The following ADTRP variants were observed in gnomAD, a reference collection of about 807,000 sequenced individuals.
The protein encoded by ADTRP is androgen-dependent TFPI-regulating protein.
ADTRP carries 20 observed loss-of-function variants against 27.0 expected under a neutral mutation model. The ratio of observed to expected loss-of-function variants is 0.74; its 90% confidence interval spans 0.52 to 1.08. The LOEUF (loss-of-function observed/expected upper bound fraction) is 1.08. Ranked by LOEUF, ADTRP falls within the 50% of genes least tolerant of loss-of-function variation. The pLI, the probability that ADTRP is intolerant of heterozygous loss-of-function variation, is 0.00. For synonymous variants in ADTRP, 101 were observed against 105.2 expected, an observed-to-expected ratio of 0.96 and a Z score of 0.25; for missense variants, 251 against 275.0, an observed-to-expected ratio of 0.91 and a Z score of 0.62.
At chr6:11,771,191 C>T (rs1763766282) in intron 1 of ADTRP, among the ~76,000 whole-genome samples, 1 of 152,236 alleles carries the variant, frequency 6.6e-6, no homozygotes, top group African/African-American at 2.4e-5. Flanking sequence ...TGTCAATCCC[C>T]TCTCCCTCTC....
chr6:11,751,531 C>T (rs191764757), intron 3 of ADTRP, among the ~76,000 whole-genome samples: 4 of 152,320 alleles, frequency 2.6e-5, no homozygotes, highest in South Asian at 2.1e-4. Context: ...AACACTCCAA[C>T]AGGACCTTAG....
intron 4 of ADTRP, among the ~76,000 whole-genome samples, chr6:11,729,450 A>G (rs1005285508): frequency 2.0e-5 from 3 of 151,912 alleles, no homozygotes; most frequent in Non-Finnish European, 2.9e-5. Context: ...CTGCCCTTCT[A>G]CTACCTGGTA....
chr6:11,752,881 C>T (rs763444174), intron 3 of ADTRP, among the ~76,000 whole-genome samples: 3 of 152,080 alleles, frequency 2.0e-5, no homozygotes, highest in Non-Finnish European at 2.9e-5. Context: ...GGAGAAGAGG[C>T]GATGGTGATT....
chr6:11,774,005 C>G (rs4713896), intron 1 of ADTRP, among the ~76,000 whole-genome samples: 2 of 152,022 alleles, frequency 1.3e-5, no homozygotes, highest in African/African-American at 4.8e-5. Context: ...TCTGACTCCA[C>G]GTTGCTGAAG....
chr6:11,770,378 C>G (rs950191820), intron 1 of ADTRP, among the ~76,000 whole-genome samples: 8 of 152,128 alleles, frequency 5.3e-5, no homozygotes, highest in Non-Finnish European at 8.8e-5. Context: ...CCTGCAGTCT[C>G]AAGAGAGGCG....
intron 4 of ADTRP, among the ~76,000 whole-genome samples, chr6:11,733,061 A>G (rs759786565): frequency 2.0e-5 from 3 of 152,118 alleles, no homozygotes; most frequent in Non-Finnish European, 2.9e-5. Flanking sequence ...CATGTCATCT[A>G]CCCTACTGGA....
chr6:11,728,672 G>A (rs1762293295), intron 4 of ADTRP: 1 of 152,200 alleles, frequency 6.6e-6, no homozygotes, highest in East Asian at 1.9e-4. Flanking sequence ...TTTCTCACTA[G>A]CTTGAAAGCT....
At chr6:11,765,024 CAG>C (rs1466152229) in intron 3 of ADTRP, among the ~76,000 whole-genome samples, 1 of 151,786 alleles carries the variant, frequency 6.6e-6, no homozygotes, top group African/African-American at 2.4e-5. Flanking sequence ...CCTGAGAGGT[CAG>C]ACTTACGTAA....
intron 3 of ADTRP, chr6:11,735,903 T>A: frequency 2.1e-6 from 1 of 473,886 alleles, no homozygotes. Flanking sequence ...GCAATGTGTC[T>A]CACCCTCTCT....
chr6:11,759,681 A>G (rs149733909), intron 3 of ADTRP, among the ~76,000 whole-genome samples: 85 of 152,276 alleles, frequency 5.6e-4, no homozygotes, highest in African/African-American at 2.0e-3. Context: ...AAAGATGTCT[A>G]TGTCCTAATC....
At chr6:11,776,256 G>A (rs1293728404) in intron 1 of ADTRP, among the ~76,000 whole-genome samples, 3 of 152,160 alleles carry the variant, frequency 2.0e-5, no homozygotes, top group Non-Finnish European at 2.9e-5. Context: ...GCTTATTTAC[G>A]AGGGCCAGAA....
At chr6:11,727,109 G>A (rs920072414) in intron 4 of ADTRP, among the ~76,000 whole-genome samples, 10 of 152,264 alleles carry the variant, frequency 6.6e-5, no homozygotes, top group South Asian at 4.1e-4. Flanking sequence ...TGCAAGCTCC[G>A]CTTCCTGGGT....
At chr6:11,764,112 G>A (rs543406255) in intron 3 of ADTRP, among the ~76,000 whole-genome samples, 1 of 152,314 alleles carries the variant, frequency 6.6e-6, no homozygotes, top group African/African-American at 2.4e-5. Flanking sequence ...CAAGGGGCAA[G>A]GTCCACAGCA....
At chr6:11,729,488 C>T (rs1344613261) in intron 4 of ADTRP, among the ~76,000 whole-genome samples, 1 of 152,134 alleles carries the variant, frequency 6.6e-6, no homozygotes, top group Non-Finnish European at 1.5e-5. Flanking sequence ...CTGCTCCTTC[C>T]CCCTCCTGTC....
chr6:11,727,695 G>A (rs1260582077), intron 4 of ADTRP, among the ~76,000 whole-genome samples: 1 of 152,152 alleles, frequency 6.6e-6, no homozygotes, highest in Non-Finnish European at 1.5e-5. Flanking sequence ...CTAATGAATT[G>A]TGTACTTTCA....
At chr6:11,717,186 C>T in intron 5 of ADTRP, 2 of 998,396 alleles carry the variant, frequency 2.0e-6, no homozygotes, top group South Asian at 3.5e-5. Flanking sequence ...AAGCATTTTT[C>T]CCAGTAGAAA....
At chr6:11,722,786 T>A (rs1210706984) in intron 5 of ADTRP, among the ~76,000 whole-genome samples, 2 of 152,196 alleles carry the variant, frequency 1.3e-5, no homozygotes, top group East Asian at 3.8e-4. Context: ...CATATTCTCA[T>A]TGCTGAAGAC....
intron 1 of ADTRP, among the ~76,000 whole-genome samples, chr6:11,771,355 G>T (rs983105282): frequency 6.6e-6 from 1 of 152,190 alleles, no homozygotes; most frequent in Admixed American, 6.5e-5. Context: ...CCCCGCGTGG[G>T]GGCTCAGGAG....
chr6:11,716,424 G>C (rs1186879204), intron 5 of ADTRP, among the ~76,000 whole-genome samples: 2 of 152,082 alleles, frequency 1.3e-5, no homozygotes, highest in African/African-American at 4.8e-5. Flanking sequence ...TTGGATTAGA[G>C]TCCTCTGTCC....
Sources: allele counts gnomAD v4.1 joint callset (sites outside exome capture counted in the v4.1 genomes callset), GRCh38; gene constraint gnomAD v4.1.1; transcripts MANE v1.5; gene names NCBI Gene and HGNC (gene_info 2026-07-23, HGNC 2026-07-21).